The following ASPH variants were observed in gnomAD, a reference collection of about 807,000 sequenced individuals.
ASPH encodes aspartate beta-hydroxylase.
ASPH carries 100 observed loss-of-function variants against 118.4 expected under a neutral mutation model. The observed-to-expected ratio is 0.84, with a 90% CI of 0.72 to 1.00. The LOEUF is 1.00. ASPH is among the 50% of genes least tolerant of loss of function. The probability of loss-of-function intolerance (pLI) is 0.00; values close to 1 mark genes in which losing one functional copy is unlikely to be tolerated. For synonymous variants in ASPH, 315 were observed against 325.6 expected, an observed-to-expected ratio of 0.97 and a Z score of 0.35; for missense variants, 920 against 919.5, an observed-to-expected ratio of 1.00 and a Z score of -0.01.
In ASPH at chr8:61,521,874, T is replaced by A. The variant is rs143429882; in HGVS notation, c.1901-3751A>T. Among the ~76,000 whole-genome samples the A allele has an allele frequency of 3.5e-3, 534 of 152,342 alleles. 6 individuals carry two copies. The highest frequency in any genetic ancestry group is 0.012 in the African/African-American group (507 of 41,576). The stretch of plus-strand genomic sequence containing the variant: ...TTGTATCTTTTATAAATTTCAAGGC[T>A]CTGCTTCTGGGGCAACAACAGGTTC... On this transcript the variant is annotated intron_variant, in intron 22 of 24. Transcript: ENST00000379454.
At chr8:61,591,679 A>G (rs952813939) in intron 14 of ASPH, among the ~76,000 whole-genome samples, 25 of 152,212 alleles carry the variant, frequency 1.6e-4, no homozygotes, top group Non-Finnish European at 3.7e-4. Flanking sequence ...GCTGACATTT[A>G]TGGAGCACTT....
At chr8:61,584,593 A>C in intron 14 of ASPH, among the ~76,000 whole-genome samples, 1 of 150,518 alleles carries the variant, frequency 6.6e-6, no homozygotes, top group Non-Finnish European at 1.5e-5. Flanking sequence ...TTTTTGTGCC[A>C]TTTCTTCTCT....
Position 61,681,009 on chromosome 8 carries a change from C to A in ASPH, c.281G>T (p.Gly94Val). The change falls in exon 3 of 25, where the codon GGT becomes GTT. Residue 94 changes from glycine to valine, a missense_variant. Coordinates refer to ENST00000379454, the MANE Select transcript of ASPH (RefSeq NM_004318.4). ...ATCATCCACATCAAAATCTCCATCA[C>A]CATCAGCATCATAGATTCCTAGTTT... ...LGKLGIYDAD[G>V]DGDFDVDDAK... 6.2e-7 allele frequency: 1 copy of A among 1,604,956 alleles called. No individual in the cohort carries two copies. Among genetic ancestry groups the A allele is most frequent in the Non-Finnish European group, 8.5e-7 (1 of 1,175,238 alleles).
intron 14 of ASPH, among the ~76,000 whole-genome samples, chr8:61,585,098 C>A (rs1187016025): frequency 6.6e-6 from 1 of 152,200 alleles, no homozygotes; most frequent in Admixed American, 6.5e-5. Flanking sequence ...GTCTTAAAAG[C>A]AGGCTGAATC....
At chr8:61,606,666 G>T (rs1339716061) in intron 14 of ASPH, 1 of 152,098 alleles carries the variant, frequency 6.6e-6, no homozygotes, top group Non-Finnish European at 1.5e-5. Context: ...AGAGGAGAAG[G>T]TATCATCAAC....
Position 61,643,941 on chromosome 8 carries a change from A to C in ASPH, c.709+4T>G. Reference sequence around the variant, plus strand: ...ACATATCAATAATTTTAACATTTACAAACCTGGATTTTCCTGCTCAGACAT... The same window carrying C: ...ACATATCAATAATTTTAACATTTACCAACCTGGATTTTCCTGCTCAGACAT... On this transcript the variant is annotated splice_donor_region_variant and intron_variant, in intron 8 of 24. Coordinates refer to ENST00000379454, the MANE Select transcript of ASPH (RefSeq NM_004318.4). 6.2e-7 allele frequency: 1 copy of C among 1,609,922 alleles called. No homozygotes were observed. The highest frequency in any genetic ancestry group is 1.1e-5 in the South Asian group (1 of 90,792).
intron 21 of ASPH, among the ~76,000 whole-genome samples, chr8:61,532,128 T>C (rs1586648164): frequency 6.6e-6 from 1 of 152,230 alleles, no homozygotes; most frequent in East Asian, 1.9e-4. Flanking sequence ...TTTTCCATTA[T>C]GGCACCAATT....
intron 14 of ASPH, among the ~76,000 whole-genome samples, chr8:61,595,454 CA>C (rs1287289944): frequency 6.6e-6 from 1 of 152,102 alleles, no homozygotes; most frequent in Non-Finnish European, 1.5e-5. Context: ...TATTGAAAAA[CA>C]AAGCCATTGC....
intron 1 of ASPH, among the ~76,000 whole-genome samples, chr8:61,710,571 A>C (rs541896037): frequency 6.6e-6 from 1 of 152,348 alleles, no homozygotes; most frequent in African/African-American, 2.4e-5. Flanking sequence ...AAACTCCCTC[A>C]GAACATTATT....
chr8:61,557,095 G>C (rs1406326527), intron 18 of ASPH, among the ~76,000 whole-genome samples: 2 of 152,150 alleles, frequency 1.3e-5, no homozygotes, highest in African/African-American at 4.8e-5. Flanking sequence ...CCTGACCCAA[G>C]AGAGGTGTCT....
At chr8:61,521,471 C>A (rs1221548354) in intron 22 of ASPH, among the ~76,000 whole-genome samples, 1 of 152,188 alleles carries the variant, frequency 6.6e-6, no homozygotes, top group African/African-American at 2.4e-5. Context: ...CAGGGACATG[C>A]ACACATCACA....
intron 3 of ASPH, among the ~76,000 whole-genome samples, chr8:61,671,891 C>A (rs1262302415): frequency 2.0e-5 from 3 of 152,246 alleles, no homozygotes; most frequent in Admixed American, 2.0e-4. Context: ...TTTTAGAAGA[C>A]TGGCTGCATT....
At position 61,651,095 on chromosome 8, in the gene ASPH, C is replaced by T. The variant is rs1810746749; in HGVS notation, c.445G>A (p.Glu149Lys). ...EPQNIEDEAK[E>K]QIQSLLHEMV... ...TCATGGAGAAGGGACTGAATTTGTT[C>T]TTTTGCTTCATCTTCGATATTCTGG... The change falls in exon 5 of 25, where the codon GAA becomes AAA. Residue 149 changes from glutamate to lysine, a missense_variant. Physicochemically the swap from Glu to Lys is moderately conservative, Grantham distance 56. Transcript: ENST00000379454. 1 of 1,613,560 alleles carries T rather than the reference C, an allele frequency of 6.2e-7. No individual in the cohort carries two copies. Among genetic ancestry groups the T allele is most frequent in the Admixed American group, 1.7e-5 (1 of 59,962 alleles).
chr8:61,676,805 A>C (rs905188995), intron 3 of ASPH, among the ~76,000 whole-genome samples: 1 of 151,982 alleles, frequency 6.6e-6, no homozygotes, highest in Non-Finnish European at 1.5e-5. Flanking sequence ...TATTTCCTCA[A>C]ACTTCTCCCC....
intron 18 of ASPH, among the ~76,000 whole-genome samples, chr8:61,559,101 T>C (rs545794557): frequency 6.6e-6 from 1 of 152,226 alleles, no homozygotes; most frequent in South Asian, 2.1e-4. Context: ...TGAGATATTT[T>C]GATACAGGCA....
intron 3 of ASPH, among the ~76,000 whole-genome samples, chr8:61,665,780 C>G (rs1819261620): frequency 6.6e-6 from 1 of 152,132 alleles, no homozygotes; most frequent in Admixed American, 6.5e-5. Flanking sequence ...AGGTGCAAAT[C>G]TCTATCAAAT....
intron 1 of ASPH, among the ~76,000 whole-genome samples, chr8:61,703,054 T>TA (rs1278127339): frequency 6.6e-6 from 1 of 152,068 alleles, no homozygotes; most frequent in Admixed American, 6.5e-5. Context: ...AAGCAATATA[T>TA]AAAAAGGACA....
At chr8:61,598,374 A>G (rs1210057583) in intron 14 of ASPH, among the ~76,000 whole-genome samples, 2 of 152,202 alleles carry the variant, frequency 1.3e-5, no homozygotes, top group Non-Finnish European at 2.9e-5. Context: ...ATCAGATAAA[A>G]CAAACTTCAC....
At chr8:61,663,531 T>A in intron 3 of ASPH, 1 of 985,408 alleles carries the variant, frequency 1.0e-6, no homozygotes, top group Non-Finnish European at 1.2e-6. Context: ...GAAAAAGAAC[T>A]CTGATTCCAG....
Sources: gnomAD v4.1 joint callset for allele counts (sites outside exome capture counted in the v4.1 genomes callset) on GRCh38, gnomAD v4.1.1 for gene constraint, MANE v1.5 for transcripts, NCBI Gene and HGNC (gene_info 2026-07-23, HGNC 2026-07-21) for gene names.